Variants in TBX5 observed in about 807,000 individuals in gnomAD.
TBX5 encodes the protein T-box transcription factor 5, also known as T-box transcription factor TBX5.
A neutral mutation model predicts 51.1 loss-of-function variants in TBX5; 8 were observed. The observed-to-expected ratio is 0.16, with a 90% CI of 0.09 to 0.28. The LOEUF (loss-of-function observed/expected upper bound fraction) is 0.28. Ranked by LOEUF, TBX5 falls within the 10% of genes least tolerant of loss-of-function variation. TBX5 has a pLI of 1.00. For missense variants in TBX5, 589 were observed against 671.7 expected (o/e 0.88, Z 1.36); for synonymous variants, 302 against 266.4 (o/e 1.13, Z -1.30).
chr12:114,401,722 C>A, intron 3 of TBX5, 104 bp downstream of exon 3: 1 of 989,562 alleles, frequency 1.0e-6, no homozygotes, highest in Non-Finnish European at 1.6e-6. Context: ...TATTCCCTCT[C>A]CTTTTGCCCC....
chr12:114,365,064 A>AG (rs1788140048), intron 8 of TBX5, among the ~76,000 whole-genome samples: 1 of 81,630 alleles, frequency 1.2e-5, no homozygotes, highest in Non-Finnish European at 3.3e-5. Context: ...TGGATGACTT[A>AG]GAAAAAAAAA....
intron 1 of TBX5, among the ~76,000 whole-genome samples, chr12:114,405,317 C>G (rs973430032): frequency 5.3e-5 from 8 of 152,208 alleles, no homozygotes; most frequent in African/African-American, 1.9e-4. Flanking sequence ...CGCTCCCATT[C>G]ACTGCCGGCC....
rs1871993643 is a variant in TBX5, at chr12:114,403,776, G to C, written c.123C>G (p.Ser41=). 3 of 1,613,906 alleles carry C rather than the reference G, an allele frequency of 1.9e-6. No individual in the cohort carries two copies. The highest frequency in any genetic ancestry group is 2.5e-6 in the Non-Finnish European group (3 of 1,180,018). The change falls in exon 2 of 9, where the codon TCC becomes TCG. Residue 41 remains serine (S), a synonymous_variant. Coordinates refer to ENST00000405440, the MANE Select transcript of TBX5 (RefSeq NM_181486.4). ...ALGAPSKSPS[S]PQAAFTQQGM... Reference sequence around the variant, plus strand: ...CCTGCTGGGTGAAGGCGGCCTGCGGGGACGACGGGGACTTGCTGGGGGCCC... The same window carrying C: ...CCTGCTGGGTGAAGGCGGCCTGCGGCGACGACGGGGACTTGCTGGGGGCCC...
At chr12:114,386,964 G>A (rs1281368134) in intron 6 of TBX5, among the ~76,000 whole-genome samples, 1 of 151,798 alleles carries the variant, frequency 6.6e-6, no homozygotes, top group Non-Finnish European at 1.5e-5. Context: ...AAAATAGCCT[G>A]GCATGATGGC....
intron 1 of TBX5, among the ~76,000 whole-genome samples, chr12:114,404,273 C>A (rs1008758082): frequency 6.6e-6 from 1 of 152,074 alleles, no homozygotes; most frequent in Non-Finnish European, 1.5e-5. Context: ...TCTGGAAGAG[C>A]CAATAAAGAT....
intron 6 of TBX5, among the ~76,000 whole-genome samples, chr12:114,386,295 C>A (rs887566847): frequency 2.0e-5 from 3 of 152,164 alleles, no homozygotes; most frequent in African/African-American, 7.2e-5. Flanking sequence ...AGGCCCAGAA[C>A]TTTAATTTAA....
Position 114,355,342 on chromosome 12 carries a change from T to G in TBX5, c.*190A>C. On this transcript the variant is annotated 3_prime_UTR_variant, in exon 9 of 9. Transcript: ENST00000405440. The stretch of plus-strand genomic sequence containing the variant: ...TTTGAGACAAAACAAGAAAGTCACA[T>G]TTTTAAAATTGTGGTTTCAAGCTAC... 1 of 767,888 alleles carries G rather than the reference T, an allele frequency of 1.3e-6. No individual in the cohort carries two copies. Among genetic ancestry groups the G allele is most frequent in the Non-Finnish European group, 2.2e-6 (1 of 451,102 alleles). The allele number at this position is 767,888 out of a possible 1,614,324, so 47.6% of individuals were successfully genotyped here. A position where few individuals can be genotyped will look rare whatever the true frequency, so the allele number is the denominator to read the frequency against.
chr12:114,370,293 A>G (rs7358746), intron 7 of TBX5, among the ~76,000 whole-genome samples: 6 of 128,800 alleles, frequency 4.7e-5, no homozygotes, highest in Admixed American at 8.0e-5. Flanking sequence ...GAAAAGAAAG[A>G]AAAGAAAAGA....
chr12:114,392,216 C>T (rs1871191198), intron 6 of TBX5, among the ~76,000 whole-genome samples: 2 of 150,648 alleles, frequency 1.3e-5, no homozygotes, highest in Non-Finnish European at 2.9e-5. Flanking sequence ...CATACACACC[C>T]CATTGGGCAG....
At chr12:114,388,129 T>C (rs999169723) in intron 6 of TBX5, among the ~76,000 whole-genome samples, 1 of 152,036 alleles carries the variant, frequency 6.6e-6, no homozygotes, top group Non-Finnish European at 1.5e-5. Context: ...GATTACAGGC[T>C]GAGCCACTGT....
At chr12:114,378,082 A>G (rs1206937257) in intron 7 of TBX5, among the ~76,000 whole-genome samples, 6 of 152,100 alleles carry the variant, frequency 3.9e-5, no homozygotes, top group Non-Finnish European at 7.4e-5. Context: ...CGTCTGCAGC[A>G]CACTAAGAGA....
intron 7 of TBX5, among the ~76,000 whole-genome samples, chr12:114,380,773 G>A (rs915968066): frequency 1.3e-5 from 2 of 152,052 alleles, no homozygotes; most frequent in African/African-American, 4.8e-5. Flanking sequence ...AGGCTGCAGT[G>A]AGCTATGATT....
chr12:114,407,293 C>A (rs573247087), upstream of TBX5, among the ~76,000 whole-genome samples: 16 of 152,180 alleles, frequency 1.1e-4, no homozygotes, highest in African/African-American at 3.4e-4. Flanking sequence ...TTTGCCCAGG[C>A]GATGTATTTA....
At chr12:114,369,561 T>C (rs1251901219) in intron 7 of TBX5, among the ~76,000 whole-genome samples, 1 of 152,030 alleles carries the variant, frequency 6.6e-6, no homozygotes, top group Admixed American at 6.6e-5. Context: ...GGAAAGAAAA[T>C]GTTAGAATCA....
At chr12:114,383,245 T>G (rs974508536) in intron 7 of TBX5, among the ~76,000 whole-genome samples, 2 of 151,966 alleles carry the variant, frequency 1.3e-5, no homozygotes, top group Non-Finnish European at 2.9e-5. Flanking sequence ...GAAAGCTTCT[T>G]GAAGGAAGGA....
In TBX5 at chr12:114,391,969, C is replaced by T. The variant is rs939940981; in HGVS notation, c.663+2772G>A. On this transcript the variant is annotated intron_variant, in intron 6 of 8. Coordinates refer to ENST00000405440, the MANE Select transcript of TBX5 (RefSeq NM_181486.4). ...GTTGTCTCCCATGAAATTTCTCTCC[C>T]GGATGTCAAGGAATCTGTCAGGCTG... 5.3e-5 allele frequency among the ~76,000 whole-genome samples: 8 copies of T among 152,056 alleles called. No homozygotes were observed. In the East Asian group the frequency reaches 5.8e-4, roughly 11 times the overall value.
At chr12:114,373,449 G>A (rs966613282) in intron 7 of TBX5, among the ~76,000 whole-genome samples, 10 of 152,176 alleles carry the variant, frequency 6.6e-5, no homozygotes, top group African/African-American at 2.4e-4. Context: ...GACAATTCAA[G>A]CTAAAGTTTG....
intron 6 of TBX5, among the ~76,000 whole-genome samples, chr12:114,393,138 C>T (rs530125279): frequency 5.9e-5 from 9 of 152,274 alleles, no homozygotes; most frequent in African/African-American, 2.2e-4. Flanking sequence ...ACTGGAATGA[C>T]CTTCGAGGGG....
At chr12:114,363,690 G>C (rs1869362515) in intron 8 of TBX5, among the ~76,000 whole-genome samples, 1 of 152,332 alleles carries the variant, frequency 6.6e-6, no homozygotes, top group Admixed American at 6.5e-5. Flanking sequence ...TGCAGACCAG[G>C]CTGGGGTTCA....
Sources: gnomAD v4.1 joint callset for allele counts (sites outside exome capture counted in the v4.1 genomes callset) on GRCh38, gnomAD v4.1.1 for gene constraint, MANE v1.5 for transcripts, NCBI Gene and HGNC (gene_info 2026-07-23, HGNC 2026-07-21) for gene names.